Variants in ZNF320 observed in about 807,000 individuals in gnomAD.
ZNF320 encodes zinc finger gene 320.
A neutral mutation model predicts 6.8 loss-of-function variants in ZNF320; 2 were observed. That is an observed-to-expected ratio of 0.29 (90% CI 0.12 to 0.93). The LOEUF (loss-of-function observed/expected upper bound fraction) is 0.93, where lower values mean the gene tolerates loss of function less well. Among genes scored for constraint, ZNF320 ranks in the 40% least tolerant of loss-of-function variants. The pLI, the probability that ZNF320 is intolerant of heterozygous loss-of-function variation, is 0.55. For missense variants in ZNF320, 472 were observed against 611.0 expected, an observed-to-expected ratio of 0.77 and a Z score of 2.40; for synonymous variants, 208 against 203.2, an observed-to-expected ratio of 1.02 and a Z score of -0.20.
intron 5 of ZNF320, among the ~76,000 whole-genome samples, chr19:52,882,881 T>C (rs922264933): frequency 3.3e-5 from 5 of 151,482 alleles, no homozygotes; most frequent in Admixed American, 6.6e-5. Flanking sequence ...GCAAAGATTG[T>C]GGTGAGCTGA....
At chr19:52,875,684 C>G (rs550903735), downstream of ZNF320, among the ~76,000 whole-genome samples, 3 of 151,752 alleles carry the variant, frequency 2.0e-5, no homozygotes, top group South Asian at 6.3e-4. Flanking sequence ...GAGGGGCTGA[C>G]TGTGGTGGAT....
At chr19:52,886,890 G>A (rs756269453) in intron 5 of ZNF320, among the ~76,000 whole-genome samples, 4 of 151,622 alleles carry the variant, frequency 2.6e-5, no homozygotes, top group Middle Eastern at 6.8e-3. Context: ...AGCCAAGATC[G>A]TTCCACTGCA....
chr19:52,864,479 G>C (rs1360821751), intron 5 of ZNF320, among the ~76,000 whole-genome samples: 1 of 152,108 alleles, frequency 6.6e-6, no homozygotes, highest in Non-Finnish European at 1.5e-5. Flanking sequence ...CAGTCTCAGA[G>C]ATGACAAAGT....
downstream of ZNF320, among the ~76,000 whole-genome samples, chr19:52,859,673 G>A (rs2063475115): frequency 6.6e-6 from 1 of 152,110 alleles, no homozygotes; most frequent in Admixed American, 6.5e-5. Context: ...CATAGGCTGC[G>A]GCAGCTTGAC....
chr19:52,864,093 C>A, exon 6 of ZNF320: 1 of 429,554 alleles, frequency 2.3e-6, no homozygotes, highest in South Asian at 1.8e-5. Flanking sequence ...GCGTTCTGTG[C>A]AGGGTCCAGG....
rs1019171836 is a variant in ZNF320 at position 52,880,263 on chromosome 19, G to C, written c.*333C>G. On this transcript the variant is annotated 3_prime_UTR_variant, in exon 6 of 6. Coordinates refer to ENST00000682928, the MANE Select transcript of ZNF320 (RefSeq NM_001351774.2). ...CTCAGGAGACTGAGGCAGGAGAATT[G>C]CATGAACCTGGGAGGTGAATGTTGC... 15 of 189,778 alleles carry C rather than the reference G, an allele frequency of 7.9e-5. No homozygotes were observed. Among genetic ancestry groups the C allele is most frequent in the Non-Finnish European group, 5.4e-5 (5 of 91,952 alleles). 11.8% of individuals were successfully genotyped at this position (189,778 alleles called of 1,614,324 possible).
At chr19:52,899,652 G>A (rs1268942918), upstream of ZNF320, among the ~76,000 whole-genome samples, 1 of 151,926 alleles carries the variant, frequency 6.6e-6, no homozygotes, top group Non-Finnish European at 1.5e-5. Flanking sequence ...TAGTAGAGAC[G>A]GGGTTTCACT....
At chr19:52,897,856 C>T (rs1482939171), upstream of ZNF320, among the ~76,000 whole-genome samples, 2 of 152,076 alleles carry the variant, frequency 1.3e-5, no homozygotes, top group Non-Finnish European at 2.9e-5. Context: ...GAGTCCTGGG[C>T]TATGAGGGGT....
Position 52,869,415 on chromosome 19 carries a change from G to A in ZNF320, c.223+4577C>T, listed in dbSNP as rs373075030. On this transcript the variant is annotated intron_variant, in intron 5 of 5. Transcript: ENST00000673631. ...AGTAAAGTCTATGAGGAGTGCAGCA[G>A]CGAAGGAGACCATGGATGTGAAGAA... Among the ~76,000 whole-genome samples the A allele has an allele frequency of 2.6e-4, 39 of 152,330 alleles. No individual in the cohort carries two copies. In the South Asian group the frequency reaches 2.9e-3, roughly 11 times the overall value.
In ZNF320 at chr19:52,890,127, T is replaced by C. The variant is rs575980186; in HGVS notation, c.15+114A>G. On this transcript the variant is annotated intron_variant, in intron 4 of 5. Coordinates refer to ENST00000682928, the MANE Select transcript of ZNF320 (RefSeq NM_001351774.2). ...GGGACTGAGGGAAGGCATGGGTGAT[T>C]GTGAGCAAACCTGTCAGGCAGGATG... 11 of 1,483,790 alleles carry C rather than the reference T, an allele frequency of 7.4e-6. No homozygotes were observed. The Admixed American group carries it at 1.9e-4, about 26-fold the overall frequency. 91.9% of individuals were successfully genotyped at this position (1,483,790 alleles called of 1,614,324 possible).
At chr19:52,902,244 A>G (rs10401230), upstream of ZNF320, among the ~76,000 whole-genome samples, 61,774 of 152,136 alleles carry the variant, frequency 0.41, 13,374 homozygotes, top group Non-Finnish European at 0.48. Flanking sequence ...TGAACTTAGT[A>G]TTGGGAGACG....
Position 52,892,773 on chromosome 19 carries a change from T to C in ZNF320, c.-192+1006A>G, listed in dbSNP as rs530061640. ...GTTATACCTCCCTGGCCCCACTCTCTGGCACCCCAGATCCCCAGGTGTCCT... is the reference window on the plus strand; with the variant it reads ...GTTATACCTCCCTGGCCCCACTCTCCGGCACCCCAGATCCCCAGGTGTCCT... On this transcript the variant is annotated intron_variant, in intron 2 of 5. Coordinates refer to ENST00000682928, the MANE Select transcript of ZNF320 (RefSeq NM_001351774.2). Among the ~76,000 whole-genome samples the C allele has an allele frequency of 5.1e-4, 78 of 151,680 alleles. No individual in the cohort carries two copies. The South Asian group carries it at 6.1e-3, about 12-fold the overall frequency.
chr19:52,860,355 T>C (rs530239194), downstream of ZNF320, among the ~76,000 whole-genome samples: 1 of 152,164 alleles, frequency 6.6e-6, no homozygotes, highest in East Asian at 1.9e-4. Flanking sequence ...TACTAGCAAT[T>C]TGAAAGGCTG....
intron 5 of ZNF320, among the ~76,000 whole-genome samples, chr19:52,887,225 T>C (rs554443363): frequency 6.6e-6 from 1 of 152,190 alleles, no homozygotes; most frequent in South Asian, 2.1e-4. Flanking sequence ...ACACCTGTAA[T>C]ACATTCCCAC....
intron 5 of ZNF320, among the ~76,000 whole-genome samples, chr19:52,866,834 G>A (rs1600566589): frequency 7.1e-6 from 1 of 141,734 alleles, no homozygotes; most frequent in Non-Finnish European, 1.5e-5. Flanking sequence ...GTTCCAGCCT[G>A]TTGACAGGGT....
rs374730119 is a variant in ZNF320 at position 52,877,128 on chromosome 19, A to T, written c.*3468T>A. The T allele has an allele frequency of 5.2e-4, 80 of 152,464 alleles. No individual in the cohort carries two copies. The highest frequency in any genetic ancestry group is 1.8e-3 in the African/African-American group (74 of 41,584). The allele number at this position is 152,464 out of a possible 1,614,324, so 9.4% of individuals were successfully genotyped here. ...CTTTAATAGAAATGAAGAAAAAGGA[A>T]ACACATGCGTCCTGGGTCTGGGGAC... On this transcript the variant is annotated 3_prime_UTR_variant, in exon 6 of 6. Transcript: ENST00000682928.
At chr19:52,899,905 G>A (rs557898791), upstream of ZNF320, among the ~76,000 whole-genome samples, 2 of 152,310 alleles carry the variant, frequency 1.3e-5, no homozygotes, top group South Asian at 4.1e-4. Context: ...CTCATGAGCT[G>A]TCTTGTGTCT....
chr19:52,887,101 T>G, intron 5 of ZNF320, among the ~76,000 whole-genome samples: 1 of 152,130 alleles, frequency 6.6e-6, no homozygotes, highest in African/African-American at 2.4e-5. Context: ...TTCAGAGATC[T>G]CAGGATTGAA....
At chr19:52,873,968 A>G (rs1203746987), downstream of ZNF320, 1 of 438,010 alleles carries the variant, frequency 2.3e-6, no homozygotes, top group Non-Finnish European at 4.5e-6. Context: ...AGACAGAAGA[A>G]TCCAATGAGA....
Sources: gnomAD v4.1 joint callset for allele counts (sites outside exome capture counted in the v4.1 genomes callset) on GRCh38, gnomAD v4.1.1 for gene constraint, MANE v1.5 for transcripts, NCBI Gene and HGNC (gene_info 2026-07-23, HGNC 2026-07-21) for gene names.